Variants in ST6GALNAC3 observed in about 807,000 individuals in gnomAD.
The protein encoded by ST6GALNAC3 is alpha-N-acetylgalactosaminide alpha-2,6-sialyltransferase 3.
A neutral mutation model predicts 32.7 loss-of-function variants in ST6GALNAC3; 25 were observed. That is an observed-to-expected ratio of 0.76 (90% CI 0.56 to 1.07). The LOEUF is 1.07. ST6GALNAC3 is among the 50% of genes least tolerant of loss of function. The probability of loss-of-function intolerance (pLI) is 0.00; values close to 1 mark genes in which losing one functional copy is unlikely to be tolerated. For missense variants in ST6GALNAC3, 355 were observed against 382.4 expected, an observed-to-expected ratio of 0.93 and a Z score of 0.60; for synonymous variants, 129 against 133.1, an observed-to-expected ratio of 0.97 and a Z score of 0.21.
chr1:76,602,444 G>A (rs922745431), intron 3 of ST6GALNAC3, among the ~76,000 whole-genome samples: 1 of 151,946 alleles, frequency 6.6e-6, no homozygotes, highest in South Asian at 2.1e-4. Context: ...AGGGGAATGG[G>A]GAATAGGAGC....
intron 1 of ST6GALNAC3, among the ~76,000 whole-genome samples, chr1:76,120,533 G>A (rs1216224357): frequency 6.6e-6 from 1 of 152,192 alleles, no homozygotes; most frequent in Non-Finnish European, 1.5e-5. Context: ...GATAGATAAA[G>A]AAGATATAAC....
intron 2 of ST6GALNAC3, among the ~76,000 whole-genome samples, chr1:76,336,159 C>T (rs527665039): frequency 6.6e-6 from 1 of 152,222 alleles, no homozygotes; most frequent in South Asian, 2.1e-4. Flanking sequence ...CTCAGAGTGC[C>T]ATTAGTGTAC....
At chr1:76,208,287 A>T (rs1476879724) in intron 1 of ST6GALNAC3, among the ~76,000 whole-genome samples, 1 of 152,246 alleles carries the variant, frequency 6.6e-6, no homozygotes, top group Non-Finnish European at 1.5e-5. Context: ...TGATCATTAA[A>T]ACAGTGATTC....
rs1224028223 is a variant in ST6GALNAC3, at chr1:76,630,220, A to G, written c.*1414A>G. 1.2e-5 allele frequency: 12 copies of G among 985,130 alleles called. No homozygotes were observed. Among genetic ancestry groups the G allele is most frequent in the African/African-American group, 1.7e-5 (1 of 57,198 alleles). 61.0% of individuals were successfully genotyped at this position (985,130 alleles called of 1,614,324 possible). ...AGTAACCAGTTGATCTCTGTGCCAAATACATTATATCAGGATTACACAAAA... is the reference window on the plus strand; with the variant it reads ...AGTAACCAGTTGATCTCTGTGCCAAGTACATTATATCAGGATTACACAAAA... On this transcript the variant is annotated 3_prime_UTR_variant, in exon 5 of 5. Coordinates refer to ENST00000328299, the MANE Select transcript of ST6GALNAC3 (RefSeq NM_152996.4).
intron 3 of ST6GALNAC3, among the ~76,000 whole-genome samples, chr1:76,553,762 C>T (rs1468070910): frequency 6.6e-6 from 1 of 152,040 alleles, no homozygotes; most frequent in African/African-American, 2.4e-5. Flanking sequence ...AGCAAAGAAA[C>T]GATGTTCTGC....
chr1:76,580,669 CTTG>C (rs2307961), intron 3 of ST6GALNAC3, among the ~76,000 whole-genome samples: 12,840 of 152,060 alleles, frequency 0.084, 1,023 homozygotes, highest in East Asian at 0.25. Context: ...CACTTGAATA[CTTG>C]TTGAATGTAT....
chr1:76,504,598 A>G (rs1051402329), intron 3 of ST6GALNAC3, among the ~76,000 whole-genome samples: 2 of 152,138 alleles, frequency 1.3e-5, no homozygotes, highest in Non-Finnish European at 2.9e-5. Context: ...AAGAAACCCA[A>G]CTGATGCTCG....
chr1:76,548,560 A>C (rs1664434139), intron 3 of ST6GALNAC3, among the ~76,000 whole-genome samples: 1 of 152,148 alleles, frequency 6.6e-6, no homozygotes. Context: ...AGTCTTTCTT[A>C]CGTGAGGCGT....
At position 76,631,090 on chromosome 1, in the gene ST6GALNAC3, A is replaced by C. The variant is rs1316254678; in HGVS notation, c.*2284A>C. 1 of 918,206 alleles carries C rather than the reference A, an allele frequency of 1.1e-6. No individual in the cohort carries two copies. Among genetic ancestry groups the C allele is most frequent in the Non-Finnish European group, 1.3e-6 (1 of 768,806 alleles). 56.9% of individuals were successfully genotyped at this position (918,206 alleles called of 1,614,324 possible). ...CTCGTTGTAGCTTTCTCTGATGAAG[A>C]CTTCTGCAGTATATTGTATCCCTCA... is the stretch of plus-strand genomic sequence containing the variant. On this transcript the variant is annotated 3_prime_UTR_variant, in exon 5 of 5. Coordinates refer to ENST00000328299, the MANE Select transcript of ST6GALNAC3 (RefSeq NM_152996.4).
intron 1 of ST6GALNAC3, among the ~76,000 whole-genome samples, chr1:76,311,264 C>G (rs190484164): frequency 7.3e-6 from 1 of 137,798 alleles, no homozygotes; most frequent in African/African-American, 2.7e-5. Flanking sequence ...AACTTCCCCC[C>G]ACCCCGCCTT....
chr1:76,576,607 A>G (rs1160169516), intron 3 of ST6GALNAC3, among the ~76,000 whole-genome samples: 1 of 152,052 alleles, frequency 6.6e-6, no homozygotes, highest in Non-Finnish European at 1.5e-5. Flanking sequence ...CTTACAAAAG[A>G]GACATCAGTT....
chr1:76,370,352 C>T (rs983396070), intron 2 of ST6GALNAC3, among the ~76,000 whole-genome samples: 10 of 152,250 alleles, frequency 6.6e-5, no homozygotes, highest in African/African-American at 1.9e-4. Context: ...ATAGAATTAG[C>T]GTAAACAGAT....
At chr1:76,317,252 T>C (rs556356045) in intron 2 of ST6GALNAC3, among the ~76,000 whole-genome samples, 11 of 152,266 alleles carry the variant, frequency 7.2e-5, no homozygotes, top group African/African-American at 2.6e-4. Flanking sequence ...TGCCATGCTC[T>C]TACTCCCAAA....
intron 3 of ST6GALNAC3, among the ~76,000 whole-genome samples, chr1:76,533,388 C>T (rs1023611251): frequency 2.6e-5 from 4 of 152,182 alleles, no homozygotes; most frequent in Non-Finnish European, 5.9e-5. Context: ...TGAACGTCCA[C>T]AGTGTGGGTT....
At chr1:76,124,128 G>T (rs1019646858) in intron 1 of ST6GALNAC3, among the ~76,000 whole-genome samples, 2 of 152,010 alleles carry the variant, frequency 1.3e-5, no homozygotes, top group African/African-American at 4.8e-5. Context: ...GAAAAGAAAA[G>T]AAAAGGGGCA....
intron 1 of ST6GALNAC3, among the ~76,000 whole-genome samples, chr1:76,203,504 A>C (rs1654647755): frequency 7.4e-6 from 1 of 135,806 alleles, no homozygotes; most frequent in African/African-American, 2.7e-5. Flanking sequence ...TGGTCAAATG[A>C]GGGAAAAGGT....
intron 1 of ST6GALNAC3, among the ~76,000 whole-genome samples, chr1:76,243,243 C>T (rs1298032590): frequency 1.3e-5 from 2 of 152,074 alleles, no homozygotes; most frequent in African/African-American, 2.4e-5. Context: ...TGACCACATA[C>T]ATGTCTTCTT....
rs191235849 is a variant in ST6GALNAC3, at chr1:76,507,899, G to A, written c.623+95482G>A. 3.6e-4 allele frequency among the ~76,000 whole-genome samples: 55 copies of A among 152,256 alleles called. No individual in the cohort carries two copies. The East Asian group carries it at 9.6e-3, about 27-fold the overall frequency. ...ACCCTTATACATTCTCACCAGCAGT[G>A]TACAAGGGTTCCAATTTCTCCACAT... On this transcript the variant is annotated intron_variant, in intron 3 of 4. Transcript: ENST00000328299.
intron 1 of ST6GALNAC3, among the ~76,000 whole-genome samples, chr1:76,256,799 A>T (rs1657948008): frequency 6.6e-6 from 1 of 152,034 alleles, no homozygotes; most frequent in Non-Finnish European, 1.5e-5. Flanking sequence ...AGTTATAAAC[A>T]GGATGAATGG....
Sources: allele counts gnomAD v4.1 joint callset (sites outside exome capture counted in the v4.1 genomes callset), GRCh38; gene constraint gnomAD v4.1.1; transcripts MANE v1.5; gene names NCBI Gene and HGNC (gene_info 2026-07-23, HGNC 2026-07-21).